Variants in SMARCA5 observed in about 807,000 individuals in gnomAD.
SMARCA5 encodes SWI/SNF-related matrix-associated actin-dependent regulator of chromatin subfamily A member 5.
SMARCA5 carries 18 observed loss-of-function variants against 140.4 expected under a neutral mutation model. That is an observed-to-expected ratio of 0.13 (90% CI 0.09 to 0.19). SMARCA5 has a LOEUF of 0.19. Among genes scored for constraint, SMARCA5 ranks in the 10% least tolerant of loss-of-function variants. The pLI is 1.00. For missense variants in SMARCA5, 606 were observed against 1,276.8 expected (o/e 0.47, Z 8.01); for synonymous variants, 449 against 419.6 (o/e 1.07, Z -0.86).
chr4:143,533,624 C>G (rs1228243482), intron 9 of SMARCA5, among the ~76,000 whole-genome samples: 1 of 150,898 alleles, frequency 6.6e-6, no homozygotes. Flanking sequence ...TCTCCTGTCT[C>G]AGCCTCCCAA....
intron 19 of SMARCA5, among the ~76,000 whole-genome samples, chr4:143,546,447 T>G (rs1737528207): frequency 6.6e-6 from 1 of 152,130 alleles, no homozygotes; most frequent in African/African-American, 2.4e-5. Context: ...TCATTTTCCT[T>G]CCATTTTTCT....
rs144068111 is a variant in SMARCA5, at chr4:143,528,047, A to T, written c.957+24A>T. Reference sequence around the variant, plus strand: ...AGGTAATTTGATACTTAGATGTGAAAAGCCTTCATGTAAGAATTTGATTAA... The same window carrying T: ...AGGTAATTTGATACTTAGATGTGAATAGCCTTCATGTAAGAATTTGATTAA... On this transcript the variant is annotated intron_variant, in intron 7 of 23. Transcript: ENST00000283131. 261 of 1,525,972 alleles carry T rather than the reference A, an allele frequency of 1.7e-4. 1 individual carries two copies. In the African/African-American group the frequency reaches 3.4e-3, roughly 20 times the overall value. The allele number at this position is 1,525,972 out of a possible 1,614,324, so 94.5% of individuals were successfully genotyped here.
chr4:143,517,534 C>A, intron 2 of SMARCA5, 105 bp downstream of exon 2: 1 of 627,678 alleles, frequency 1.6e-6, no homozygotes, highest in Non-Finnish European at 2.6e-6. Context: ...AACAATACCA[C>A]AGACTGGGTA....
At chr4:143,534,365 A>G (rs1034464919) in intron 9 of SMARCA5, among the ~76,000 whole-genome samples, 3 of 152,134 alleles carry the variant, frequency 2.0e-5, no homozygotes, top group African/African-American at 7.2e-5. Context: ...AGCCCTTCAT[A>G]TCCATAGGTT....
In SMARCA5 at chr4:143,546,675, T is replaced by C. The variant is rs964211438; in HGVS notation, c.2521-101T>C. The C allele has an allele frequency of 1.4e-5, 15 of 1,066,280 alleles. No individual in the cohort carries two copies. In the African/African-American group the frequency reaches 2.4e-4, roughly 17 times the overall value. 66.1% of individuals were successfully genotyped at this position (1,066,280 alleles called of 1,614,324 possible). The stretch of plus-strand genomic sequence containing the variant: ...ACCACTCTAAAAGAACTTAATAAAC[T>C]AGTGAAAATTTGTTTTTGTAATATT... On this transcript the variant is annotated intron_variant, in intron 19 of 23. Transcript: ENST00000283131.
At chr4:143,549,612 CTTG>C (rs1348775107) in intron 22 of SMARCA5, among the ~76,000 whole-genome samples, 2 of 152,020 alleles carry the variant, frequency 1.3e-5, no homozygotes, top group African/African-American at 4.8e-5. Context: ...TGTTAAAGTT[CTTG>C]TTGTTTTTGA....
chr4:143,547,638 G>A (rs1737554504), intron 21 of SMARCA5, 135 bp downstream of exon 21: 4 of 608,566 alleles, frequency 6.6e-6, no homozygotes, highest in African/African-American at 3.7e-5. Context: ...TTCAAACATG[G>A]TATTGTCAGC....
At chr4:143,530,935 C>T (rs1737171621) in intron 9 of SMARCA5, among the ~76,000 whole-genome samples, 1 of 152,152 alleles carries the variant, frequency 6.6e-6, no homozygotes. Context: ...CCCCATTCAG[C>T]GTCTAGAGTA....
At chr4:143,516,625 C>G (rs554268238) in intron 1 of SMARCA5, among the ~76,000 whole-genome samples, 9 of 152,232 alleles carry the variant, frequency 5.9e-5, no homozygotes, top group African/African-American at 2.2e-4. Context: ...TATTCCAGTA[C>G]CGTACCAGAT....
chr4:143,555,367 A>C lies in SMARCA5; in HGVS notation c.*2183A>C, dbSNP rs534056556. 1.4e-6 allele frequency: 1 copy of C among 702,710 alleles called. No homozygotes were observed. Among genetic ancestry groups the C allele is most frequent in the Non-Finnish European group, 2.6e-6 (1 of 379,328 alleles). 43.5% of individuals were successfully genotyped at this position (702,710 alleles called of 1,614,324 possible). A position where few individuals can be genotyped will look rare whatever the true frequency, so the allele number is the denominator to read the frequency against. ...AGCAATCCCCACTGCCACCATATCCATCACCACCACCATGGCTGCCACCAA... is the reference window on the plus strand; with the variant it reads ...AGCAATCCCCACTGCCACCATATCCCTCACCACCACCATGGCTGCCACCAA... On this transcript the variant is annotated 3_prime_UTR_variant, in exon 24 of 24. Transcript: ENST00000283131.
In SMARCA5 at chr4:143,555,566, TGTC is replaced by T. The variant is rs1314965437; in HGVS notation, c.*2383_*2385del. 4.3e-5 allele frequency: 14 copies of T among 322,994 alleles called. No individual in the cohort carries two copies. The highest frequency in any genetic ancestry group is 3.9e-4 in the South Asian group (12 of 30,714). 20.0% of individuals were successfully genotyped at this position (322,994 alleles called of 1,614,324 possible). A position where few individuals can be genotyped will look rare whatever the true frequency, so the allele number is the denominator to read the frequency against. On this transcript the variant is annotated 3_prime_UTR_variant, in exon 24 of 24. Transcript: ENST00000283131. The stretch of plus-strand genomic sequence containing the variant: ...TAATCTGATCATGATACTGAATAAA[TGTC>T]TTTTTTTTTTTTTAACAACAAAGCA...
Position 143,522,753 on chromosome 4 carries a change from TAGTC to T in SMARCA5, c.419+1162_419+1165del, listed in dbSNP as rs571500912. On this transcript the variant is annotated intron_variant, in intron 3 of 23. Transcript: ENST00000283131. The stretch of plus-strand genomic sequence containing the variant: ...TACTGTACTGAATATTGTTATGGGA[TAGTC>T]AGTATGATGTCTCGAAAAGAAACAC... Among the ~76,000 whole-genome samples the T allele has an allele frequency of 1.8e-3, 277 of 152,322 alleles. 3 individuals carry two copies. The highest frequency in any genetic ancestry group is 6.3e-3 in the African/African-American group (263 of 41,586).
chr4:143,515,432 T>C (rs1349266927), intron 1 of SMARCA5, among the ~76,000 whole-genome samples: 1 of 152,168 alleles, frequency 6.6e-6, no homozygotes, highest in Non-Finnish European at 1.5e-5. Context: ...CTAGGGCTCT[T>C]TAACTTGGAT....
At chr4:143,537,526 C>T (rs1271988695) in intron 11 of SMARCA5, among the ~76,000 whole-genome samples, 2 of 152,044 alleles carry the variant, frequency 1.3e-5, no homozygotes, top group Non-Finnish European at 2.9e-5. Flanking sequence ...AAAATGCTTT[C>T]CTTGAAAGCA....
chr4:143,538,773 GT>G lies in SMARCA5; in HGVS notation c.1618-9del, dbSNP rs1560819065. 30 of 1,613,402 alleles carry G rather than the reference GT, an allele frequency of 1.9e-5. No individual in the cohort carries two copies. Among genetic ancestry groups the G allele is most frequent in the African/African-American group, 2.7e-5 (2 of 74,976 alleles). On this transcript the variant is annotated splice_polypyrimidine_tract_variant and intron_variant, in intron 12 of 23. Transcript: ENST00000283131. ...AGATAAATTTTTTGACAACCATTTT[GT>G]TTTATCCATAGGACTCCATCAATGC...
At chr4:143,542,317 C>G (rs1440234779) in intron 14 of SMARCA5, among the ~76,000 whole-genome samples, 3 of 152,160 alleles carry the variant, frequency 2.0e-5, no homozygotes, top group Non-Finnish European at 4.4e-5. Flanking sequence ...AGTCAAACAG[C>G]AAGCCTTAAG....
intron 4 of SMARCA5, 29 bp from the exon 5 acceptor site, chr4:143,525,422 T>C: frequency 7.4e-7 from 1 of 1,347,790 alleles, no homozygotes; most frequent in Non-Finnish European, 1.1e-6. Context: ...TGTCTTAAAA[T>C]GCCTATTGTG....
At chr4:143,538,009 C>T (rs1478959972) in intron 11 of SMARCA5, among the ~76,000 whole-genome samples, 1 of 151,846 alleles carries the variant, frequency 6.6e-6, no homozygotes, top group Non-Finnish European at 1.5e-5. Flanking sequence ...AGGACAGGAT[C>T]ATTTCATAAT....
At chr4:143,517,260 T>G (rs1736859950) in intron 1 of SMARCA5, 95 bp from the exon 2 acceptor site, 1 of 777,474 alleles carries the variant, frequency 1.3e-6, no homozygotes, top group African/African-American at 1.8e-5. Context: ...GGTGAGAATG[T>G]ATTATTTAAG....
Sources: gnomAD v4.1 joint callset for allele counts (sites outside exome capture counted in the v4.1 genomes callset) on GRCh38, gnomAD v4.1.1 for gene constraint, MANE v1.5 for transcripts, NCBI Gene and HGNC (gene_info 2026-07-23, HGNC 2026-07-21) for gene names.